Variants in TIPIN observed in about 807,000 individuals in gnomAD.
TIPIN encodes TIMELESS interacting protein, also known as TIMELESS-interacting protein.
A neutral mutation model predicts 35.6 loss-of-function variants in TIPIN; 29 were observed. The ratio of observed to expected loss-of-function variants is 0.82; its 90% CI spans 0.61 to 1.11. The LOEUF is 1.11. Ranked by LOEUF, TIPIN falls within the 50% of genes most tolerant of loss-of-function variation. The pLI, the probability that TIPIN is intolerant of heterozygous loss-of-function variation, is 0.00. For synonymous variants in TIPIN, 102 were observed against 121.5 expected (o/e 0.84, Z 1.06); for missense variants, 296 against 345.4 (o/e 0.86, Z 1.13).
chr15:66,352,715 T>A, intron 2 of TIPIN, 100 bp downstream of exon 2: 2 of 1,321,478 alleles, frequency 1.5e-6, no homozygotes, highest in Non-Finnish European at 2.0e-6. Flanking sequence ...ATTCCTGACC[T>A]TGTGATCCGC....
In TIPIN at chr15:66,347,997, A is replaced by ATTCT. The variant is rs1301629945; in HGVS notation, c.475+1059_475+1062dup. ...AATACTGCCTCCTCTAACTACTTCTATTCTTTCTTTCTTTTTTTTTTTTTT... is the reference window on the plus strand; with the variant it reads ...AATACTGCCTCCTCTAACTACTTCTATTCTTTCTTTCTTTCTTTTTTTTTTTTTT... On this transcript the variant is annotated intron_variant, in intron 6 of 7. Transcript: ENST00000261881. Among the ~76,000 whole-genome samples, 43 of 108,746 alleles carry ATTCT rather than the reference A, an allele frequency of 4.0e-4. No homozygotes were observed. The East Asian group carries it at 7.1e-3, about 18-fold the overall frequency. 71.3% of individuals were successfully genotyped at this position (108,746 alleles called of 152,430 possible). A position where few individuals can be genotyped will look rare whatever the true frequency, so the allele number is the denominator to read the frequency against.
At chr15:66,355,215 CAT>C (rs1284206752) in intron 1 of TIPIN, among the ~76,000 whole-genome samples, 2 of 150,756 alleles carry the variant, frequency 1.3e-5, no homozygotes, top group African/African-American at 4.9e-5. Context: ...TTGTATTTTT[CAT>C]AGAGACGGTG....
intron 1 of TIPIN, among the ~76,000 whole-genome samples, chr15:66,362,656 C>T (rs376198271): frequency 2.6e-5 from 4 of 152,042 alleles, no homozygotes; most frequent in South Asian, 2.1e-4. Context: ...GGGAGGCAGA[C>T]GTTGCAGTGA....
intron 3 of TIPIN, among the ~76,000 whole-genome samples, chr15:66,351,870 A>C (rs1262025041): frequency 6.6e-6 from 1 of 152,032 alleles, no homozygotes; most frequent in Non-Finnish European, 1.5e-5. Flanking sequence ...CAATCTCCTG[A>C]CCTCGTGATC....
At chr15:66,375,035 A>G (rs1317185102) in intron 1 of TIPIN, among the ~76,000 whole-genome samples, 2 of 151,778 alleles carry the variant, frequency 1.3e-5, no homozygotes, top group Non-Finnish European at 2.9e-5. Context: ...TGGTTTTTTA[A>G]TTGGATTGTC....
Position 66,349,065 on chromosome 15 carries a change from T to C in TIPIN, c.470A>G (p.Asn157Ser). 6.2e-7 allele frequency: 1 copy of C among 1,609,110 alleles called. No homozygotes were observed. The highest frequency in any genetic ancestry group is 1.7e-5 in the Admixed American group (1 of 59,894). ...LPILHEDFVSNNDEVAENNEH... is the reference protein window; with the variant it reads ...LPILHEDFVSSNDEVAENNEH... ...AGATAAACCTATATTCTTACCATTA[T>C]TGCTAACAAAATCTTCATGTAAAAT... Residue 157 changes from asparagine to serine, a missense_variant, in exon 6 of 8, where the codon AAT becomes AGT. Asn to Ser is a conservative substitution (Grantham distance 46, BLOSUM62 1). Coordinates refer to ENST00000261881, the MANE Select transcript of TIPIN (RefSeq NM_017858.3).
chr15:66,356,872 A>C (rs2093207817), upstream of TIPIN, among the ~76,000 whole-genome samples: 1 of 151,916 alleles, frequency 6.6e-6, no homozygotes, highest in African/African-American at 2.4e-5. Context: ...AACTCAGTTA[A>C]GCCTCCTTAT....
intron 1 of TIPIN, among the ~76,000 whole-genome samples, chr15:66,363,770 C>CA (rs1339548692): frequency 6.6e-6 from 1 of 151,964 alleles, no homozygotes; most frequent in East Asian, 1.9e-4. Flanking sequence ...ATCACGAGGT[C>CA]AGGAGATCGA....
chr15:66,361,245 C>G (rs929309694), upstream of TIPIN, among the ~76,000 whole-genome samples: 1 of 149,976 alleles, frequency 6.7e-6, no homozygotes, highest in Non-Finnish European at 1.5e-5. Context: ...TTTTTCATAA[C>G]CTTTCTATTG....
At chr15:66,385,802 T>G (rs1317206049) in intron 1 of TIPIN, among the ~76,000 whole-genome samples, 1 of 147,318 alleles carries the variant, frequency 6.8e-6, no homozygotes, top group Non-Finnish European at 1.5e-5. Context: ...GAAAGTTTTT[T>G]TAAAGGGAGT....
intron 7 of TIPIN, among the ~76,000 whole-genome samples, chr15:66,339,015 TA>T (rs1486290835): frequency 6.8e-6 from 1 of 147,634 alleles, no homozygotes; most frequent in Non-Finnish European, 1.5e-5. Flanking sequence ...CTTGTAGTCC[TA>T]GCTACTTGAG....
intron 6 of TIPIN, among the ~76,000 whole-genome samples, chr15:66,344,023 T>C (rs541252455): frequency 2.6e-5 from 4 of 152,160 alleles, no homozygotes; most frequent in African/African-American, 9.6e-5. Flanking sequence ...TTATGAAACA[T>C]GGGGTTTTTA....
intron 5 of TIPIN, 86 bp from the exon 6 acceptor site, chr15:66,349,209 C>A: frequency 1.3e-6 from 2 of 1,596,958 alleles, no homozygotes; most frequent in Non-Finnish European, 1.7e-6. Context: ...TCCCTCTCTA[C>A]CAAAAGAGAT....
chr15:66,362,750 G>T (rs1566981414), intron 1 of TIPIN, among the ~76,000 whole-genome samples: 1 of 152,118 alleles, frequency 6.6e-6, no homozygotes, highest in South Asian at 2.1e-4. Context: ...AAAATAAAAA[G>T]AAAAGAAATG....
intron 1 of TIPIN, among the ~76,000 whole-genome samples, chr15:66,375,330 ACT>A (rs1435016611): frequency 6.7e-6 from 1 of 150,100 alleles, no homozygotes; most frequent in Non-Finnish European, 1.5e-5. Context: ...TTTCTTTTTC[ACT>A]CTGTTTTTGT....
intron 1 of TIPIN, chr15:66,386,389 C>G (rs1334399521): frequency 6.6e-6 from 1 of 152,126 alleles, no homozygotes; most frequent in Non-Finnish European, 1.5e-5. Context: ...ACTGAGTATC[C>G]ATTTCCTTGC....
intron 6 of TIPIN, chr15:66,347,194 A>C: frequency 2.0e-6 from 1 of 498,886 alleles, no homozygotes; most frequent in Non-Finnish European, 4.0e-6. Context: ...AAAAGTTAAA[A>C]AACAAAAACA....
intron 1 of TIPIN, among the ~76,000 whole-genome samples, chr15:66,375,993 G>A (rs2093295404): frequency 6.6e-6 from 1 of 151,932 alleles, no homozygotes; most frequent in South Asian, 2.1e-4. Context: ...CCTAGCTATT[G>A]GGGAGGCTAA....
At chr15:66,359,257 T>C (rs2093221123), upstream of TIPIN, among the ~76,000 whole-genome samples, 1 of 152,116 alleles carries the variant, frequency 6.6e-6, no homozygotes, top group African/African-American at 2.4e-5. Context: ...TGTATCTATG[T>C]GTCACATTTC....
Sources: gnomAD v4.1 joint callset for allele counts (sites outside exome capture counted in the v4.1 genomes callset) on GRCh38, gnomAD v4.1.1 for gene constraint, MANE v1.5 for transcripts, NCBI Gene and HGNC (gene_info 2026-07-23, HGNC 2026-07-21) for gene names.